Variants in DGLUCY observed in about 807,000 individuals in gnomAD.
DGLUCY encodes D-glutamate cyclase, mitochondrial.
A neutral mutation model predicts 58.5 loss-of-function variants in DGLUCY; 58 were observed. The observed-to-expected ratio is 0.99, with a 90% CI of 0.80 to 1.23. The LOEUF is 1.23. Ranked by LOEUF, DGLUCY falls within the 50% of genes most tolerant of loss-of-function variation. The probability of loss-of-function intolerance (pLI) is 0.00; values close to 1 mark genes in which losing one functional copy is unlikely to be tolerated. For synonymous variants in DGLUCY, 325 were observed against 314.1 expected, an observed-to-expected ratio of 1.03 and a Z score of -0.37; for missense variants, 779 against 784.7, an observed-to-expected ratio of 0.99 and a Z score of 0.09.
At chr14:91,110,600 T>A (rs1239436043), upstream of DGLUCY, among the ~76,000 whole-genome samples, 1 of 151,812 alleles carries the variant, frequency 6.6e-6, no homozygotes, top group Non-Finnish European at 1.5e-5. Context: ...CTGGATAATT[T>A]TTGTATTTTT....
chr14:91,118,184 G>A (rs552222555), intron 1 of DGLUCY, among the ~76,000 whole-genome samples: 2 of 148,040 alleles, frequency 1.4e-5, no homozygotes, highest in East Asian at 2.0e-4. Flanking sequence ...GGGTTCAAGC[G>A]ATTCACCTCC....
At chr14:91,131,771 T>G (rs2046037027) in intron 1 of DGLUCY, among the ~76,000 whole-genome samples, 1 of 152,240 alleles carries the variant, frequency 6.6e-6, no homozygotes, top group African/African-American at 2.4e-5. Flanking sequence ...TGATTTTTGT[T>G]ACTGATAATT....
chr14:91,101,847 A>G (rs1436286147), intron 1 of DGLUCY, among the ~76,000 whole-genome samples: 1 of 152,148 alleles, frequency 6.6e-6, no homozygotes, highest in Non-Finnish European at 1.5e-5. Flanking sequence ...GATGTGTGCC[A>G]CCATGTCCAG....
chr14:91,173,859 T>A (rs58671634), intron 6 of DGLUCY: 8,099 of 150,824 alleles, frequency 0.054, 251 homozygotes, highest in East Asian at 0.12. Context: ...TAGGAAAAAA[T>A]ATATATATAT....
rs189844070 is a variant in DGLUCY at position 91,166,741 on chromosome 14, C to T, written c.104-484C>T. Among the ~76,000 whole-genome samples the T allele has an allele frequency of 2.6e-3, 388 of 152,078 alleles. 1 individual carries two copies. The highest frequency in any genetic ancestry group is 3.1e-3 in the Non-Finnish European group (211 of 68,000). ...TTCCAGCTACTTGGCAGGCTGAAGC[C>T]GGAGGGTCACTTGAGTCCAGGAATT... On this transcript the variant is annotated intron_variant, in intron 3 of 13. Coordinates refer to ENST00000256324, the MANE Select transcript of DGLUCY (RefSeq NM_001102368.3).
Position 91,215,500 on chromosome 14 carries a change from C to A in DGLUCY, c.1660C>A (p.Pro554Thr), listed in dbSNP as rs747749414. 6.2e-7 allele frequency: 1 copy of A among 1,614,248 alleles called. No individual in the cohort carries two copies. The highest frequency in any genetic ancestry group is 8.5e-7 in the Non-Finnish European group (1 of 1,180,034). ...HSQYLRKAVG[P>T]SRAPGDQAWT... ...TCAGTACCTGAGGAAAGCAGTCGGACCCTCCAGGGCACCTGGAGATCAGGC... is the reference window on the plus strand; with the variant it reads ...TCAGTACCTGAGGAAAGCAGTCGGAACCTCCAGGGCACCTGGAGATCAGGC... Residue 554 changes from proline to threonine, a missense_variant, in exon 13 of 14, where the codon CCC becomes ACC. Pro to Thr is a conservative substitution (Grantham distance 38). Coordinates refer to ENST00000256324, the MANE Select transcript of DGLUCY (RefSeq NM_001102368.3).
Position 91,196,488 on chromosome 14 carries a change from A to C in DGLUCY, c.1295+14A>C. ...GCAGACACCTAGGTACGTATGTCGC[A>C]TCCCAGTTTAAGTGGCGGATGGTGG... On this transcript the variant is annotated intron_variant, in intron 10 of 13. Coordinates refer to ENST00000256324, the MANE Select transcript of DGLUCY (RefSeq NM_001102368.3). 1 of 1,608,352 alleles carries C rather than the reference A, an allele frequency of 6.2e-7. No individual in the cohort carries two copies. Among genetic ancestry groups the C allele is most frequent in the Non-Finnish European group, 8.5e-7 (1 of 1,175,352 alleles).
At chr14:91,157,303 A>C (rs2140330916) in intron 1 of DGLUCY, among the ~76,000 whole-genome samples, 1 of 151,690 alleles carries the variant, frequency 6.6e-6, no homozygotes, top group Non-Finnish European at 1.5e-5. Context: ...AGATGGATGG[A>C]TGAATGGGTG....
chr14:91,080,871 G>C (rs1480022269), intron 1 of DGLUCY, among the ~76,000 whole-genome samples: 5 of 152,138 alleles, frequency 3.3e-5, no homozygotes, highest in African/African-American at 9.7e-5. Flanking sequence ...AAAAAGCAAG[G>C]AAGTCTAGAA....
At chr14:91,163,710 C>T (rs2048119838) in intron 3 of DGLUCY, among the ~76,000 whole-genome samples, 1 of 152,194 alleles carries the variant, frequency 6.6e-6, no homozygotes, top group East Asian at 1.9e-4. Context: ...GGTTTAAATG[C>T]TGGCTGTGCC....
chr14:91,081,022 C>A (rs2013914), intron 1 of DGLUCY, among the ~76,000 whole-genome samples: 1 of 151,834 alleles, frequency 6.6e-6, no homozygotes. Context: ...GCCAACGTGA[C>A]GAAACCCTGT....
intron 9 of DGLUCY, among the ~76,000 whole-genome samples, chr14:91,193,238 G>A (rs1310863221): frequency 1.3e-5 from 2 of 152,150 alleles, no homozygotes; most frequent in Non-Finnish European, 2.9e-5. Flanking sequence ...GGCTGCCGAC[G>A]GCGTAGAGCA....
At chr14:91,095,670 G>A (rs2044382249) in intron 1 of DGLUCY, among the ~76,000 whole-genome samples, 1 of 152,212 alleles carries the variant, frequency 6.6e-6, no homozygotes, top group African/African-American at 2.4e-5. Context: ...TATTTATAGT[G>A]TGGGATGGGA....
At chr14:91,181,834 A>T (rs1480648557) in intron 8 of DGLUCY, among the ~76,000 whole-genome samples, 1 of 151,260 alleles carries the variant, frequency 6.6e-6, no homozygotes, top group African/African-American at 2.4e-5. Flanking sequence ...TTTAGCAGAG[A>T]CAGGATTTCA....
At chr14:91,107,124 C>T (rs941091923), upstream of DGLUCY, among the ~76,000 whole-genome samples, 2 of 152,114 alleles carry the variant, frequency 1.3e-5, no homozygotes, top group Non-Finnish European at 2.9e-5. Context: ...TATGTACAAG[C>T]GAGCTAAAAC....
intron 1 of DGLUCY, among the ~76,000 whole-genome samples, chr14:91,135,926 C>CTTT (rs34202137): frequency 1.4e-4 from 7 of 51,212 alleles, no homozygotes; most frequent in African/African-American, 3.3e-4. Context: ...GATACATTAG[C>CTTT]TTTTTTTTTT....
intron 1 of DGLUCY, among the ~76,000 whole-genome samples, chr14:91,099,047 A>C (rs1226438277): frequency 1.3e-5 from 2 of 152,228 alleles, no homozygotes; most frequent in Admixed American, 6.5e-5. Flanking sequence ...CTCTCTCTGC[A>C]TTTGGGATAC....
intron 9 of DGLUCY, among the ~76,000 whole-genome samples, chr14:91,195,582 T>C (rs1435202225): frequency 2.0e-5 from 3 of 151,856 alleles, no homozygotes; most frequent in Non-Finnish European, 4.4e-5. Flanking sequence ...CTGACATATA[T>C]ACATGGCCTT....
At chr14:91,120,466 G>T (rs987970397) in intron 1 of DGLUCY, among the ~76,000 whole-genome samples, 5 of 152,068 alleles carry the variant, frequency 3.3e-5, no homozygotes, top group African/African-American at 9.7e-5. Context: ...GTGCAATCAC[G>T]CTATCTCAGC....
Sources: allele counts gnomAD v4.1 joint callset (sites outside exome capture counted in the v4.1 genomes callset), GRCh38; gene constraint gnomAD v4.1.1; transcripts MANE v1.5; gene names NCBI Gene and HGNC (gene_info 2026-07-23, HGNC 2026-07-21).